The following GARIN5B variants were observed in gnomAD, a reference collection of about 807,000 sequenced individuals.
The protein encoded by GARIN5B is golgi associated RAB2 interactor family member 5B.
chr19:55,357,529 G>A, the GARIN5B span, among the ~76,000 whole-genome samples: 9 of 152,224 alleles, frequency 5.9e-5, no homozygotes, highest in East Asian at 3.9e-4. Context: ...GGCTTCCTCC[G>A]TCCTCTCCTC....
the GARIN5B span, chr19:55,359,243 G>A: frequency 6.4e-7 from 1 of 1,551,302 alleles, no homozygotes; most frequent in East Asian, 2.4e-5. Flanking sequence ...GGTAGGTGAG[G>A]TTGGCAGAGC....
At chr19:55,362,458 A>C in the GARIN5B span, 1 of 1,548,006 alleles carries the variant, frequency 6.5e-7, no homozygotes, top group Non-Finnish European at 8.7e-7. Context: ...GGCGCCAGGC[A>C]GAGAGGTCAT....
the GARIN5B span, chr19:55,358,265 G>A: frequency 1.9e-6 from 3 of 1,551,122 alleles, no homozygotes; most frequent in South Asian, 3.6e-5. Context: ...CGACCCCACA[G>A]TGGCCAGGGG....
the GARIN5B span, chr19:55,359,065 C>T: frequency 5.2e-6 from 8 of 1,551,406 alleles, no homozygotes; most frequent in African/African-American, 8.2e-5. Flanking sequence ...GAGTCGTCAT[C>T]TCCACCACGT....
chr19:55,362,833 C>G, the GARIN5B span: 1 of 1,472,518 alleles, frequency 6.8e-7, no homozygotes, highest in Non-Finnish European at 9.1e-7. Flanking sequence ...CTGCTAAATC[C>G]CGTTCCCTCT....
chr19:55,360,036 C>A, the GARIN5B span: 1 of 1,478,934 alleles, frequency 6.8e-7, no homozygotes, highest in Admixed American at 2.3e-5. Context: ...GACCCCAGAC[C>A]CGGGAGGGCA....
chr19:55,362,311 C>G, the GARIN5B span: 1 of 1,550,102 alleles, frequency 6.5e-7, no homozygotes, highest in Non-Finnish European at 8.7e-7. Flanking sequence ...TGCGCGTGGT[C>G]CTGGGGGTCC....
the GARIN5B span, chr19:55,361,183 C>T: frequency 4.0e-4 from 628 of 1,551,222 alleles, no homozygotes; most frequent in Non-Finnish European, 5.2e-4. Context: ...CCTTGGCCTT[C>T]CTCTGTCTCT....
At chr19:55,356,787 C>T in the GARIN5B span, among the ~76,000 whole-genome samples, 2 of 151,916 alleles carry the variant, frequency 1.3e-5, no homozygotes, top group Non-Finnish European at 1.5e-5. Flanking sequence ...CGGTGGCTCA[C>T]GTCTGTAATC....
the GARIN5B span, chr19:55,358,023 C>A: frequency 8.6e-7 from 1 of 1,163,702 alleles, no homozygotes; most frequent in Non-Finnish European, 1.1e-6. Flanking sequence ...CACCGCACTC[C>A]AGCCTGGGTG....
chr19:55,358,633 C>G, the GARIN5B span: 2 of 1,551,380 alleles, frequency 1.3e-6, no homozygotes, highest in South Asian at 2.4e-5. Context: ...CCAGTAAGGA[C>G]AGCTGGCCGG....
chr19:55,356,152 A>G, the GARIN5B span, among the ~76,000 whole-genome samples: 1 of 150,084 alleles, frequency 6.7e-6, no homozygotes, highest in African/African-American at 2.5e-5. Context: ...CGGATGGATC[A>G]CCTGAGGTCA....
At chr19:55,358,183 C>T in the GARIN5B span, 1 of 1,526,704 alleles carries the variant, frequency 6.6e-7, no homozygotes, top group South Asian at 1.2e-5. Flanking sequence ...CCTCCTGTAT[C>T]TCCTCTGCCT....
At chr19:55,359,845 A>T in the GARIN5B span, 1 of 1,551,512 alleles carries the variant, frequency 6.4e-7, no homozygotes, top group Non-Finnish European at 8.7e-7. Context: ...CCGTGTCCTG[A>T]TGCCACAGGC....
the GARIN5B span, chr19:55,359,570 G>A: frequency 1.3e-6 from 2 of 1,551,346 alleles, no homozygotes; most frequent in Non-Finnish European, 1.7e-6. Flanking sequence ...CAATCCAGGT[G>A]GGGGTTTCCA....
chr19:55,358,835 A>G, the GARIN5B span: 1 of 1,546,662 alleles, frequency 6.5e-7, no homozygotes, highest in South Asian at 1.2e-5. Flanking sequence ...CTCGACGGCC[A>G]GTTCCTTGGC....
chr19:55,357,708 T>A, the GARIN5B span, among the ~76,000 whole-genome samples: 1 of 152,134 alleles, frequency 6.6e-6, no homozygotes, highest in Non-Finnish European at 1.5e-5. Flanking sequence ...GGACACTGTA[T>A]CCCCACTGCC....
the GARIN5B span, chr19:55,360,020 C>T: frequency 6.7e-7 from 1 of 1,499,760 alleles, no homozygotes; most frequent in South Asian, 1.3e-5. Context: ...GGTCAGGATG[C>T]ATGGAGACCC....
the GARIN5B span, chr19:55,362,585 G>C: frequency 1.3e-6 from 2 of 1,541,946 alleles, no homozygotes; most frequent in East Asian, 4.9e-5. Flanking sequence ...CACCTGGTCA[G>C]CACGAGGCCG....
Sources: gnomAD v4.1 joint callset for allele counts (sites outside exome capture counted in the v4.1 genomes callset) on GRCh38, gnomAD v4.1.1 for gene constraint, MANE v1.5 for transcripts, NCBI Gene and HGNC (gene_info 2026-07-23, HGNC 2026-07-21) for gene names.